Variants in TIAM1 observed in about 807,000 individuals in gnomAD.
TIAM1 encodes the protein rho guanine nucleotide exchange factor TIAM1.
A neutral mutation model predicts 163.5 loss-of-function variants in TIAM1; 65 were observed. The observed-to-expected ratio is 0.40, with a 90% confidence interval of 0.33 to 0.49. The LOEUF (loss-of-function observed/expected upper bound fraction) is 0.49, where lower values mean the gene tolerates loss of function less well. Among genes scored for constraint, TIAM1 ranks in the 20% least tolerant of loss-of-function variants. TIAM1 has a pLI of 0.77. For synonymous variants in TIAM1, 833 were observed against 810.1 expected (o/e 1.03, Z -0.48); for missense variants, 1,789 against 2,044.7 (o/e 0.87, Z 2.41).
chr21:31,167,056 T>C (rs2084259055), intron 15 of TIAM1, among the ~76,000 whole-genome samples: 1 of 150,284 alleles, frequency 6.7e-6, no homozygotes, highest in Non-Finnish European at 1.5e-5. Context: ...CTGATGCTCA[T>C]AAAATAGTGG....
At chr21:31,526,200 A>T (rs2047779404) in intron 1 of TIAM1, among the ~76,000 whole-genome samples, 1 of 152,144 alleles carries the variant, frequency 6.6e-6, no homozygotes, top group Admixed American at 6.5e-5. Flanking sequence ...CAGATGAGTA[A>T]GCAAACAGGA....
At chr21:31,263,103 T>G (rs754578847) in intron 4 of TIAM1, among the ~76,000 whole-genome samples, 1 of 152,220 alleles carries the variant, frequency 6.6e-6, no homozygotes, top group Non-Finnish European at 1.5e-5. Context: ...GATAGTGTTG[T>G]GCATAATTCC....
chr21:31,488,367 G>A (rs1389318008), intron 1 of TIAM1, among the ~76,000 whole-genome samples: 1 of 152,192 alleles, frequency 6.6e-6, no homozygotes, highest in Non-Finnish European at 1.5e-5. Flanking sequence ...AGTGTATTCA[G>A]GGGGATGGGG....
chr21:31,436,952 C>T (rs2044230515), intron 2 of TIAM1, among the ~76,000 whole-genome samples: 2 of 151,950 alleles, frequency 1.3e-5, no homozygotes, highest in South Asian at 4.2e-4. Flanking sequence ...AGTGAGATTC[C>T]ATCTCAACAA....
At chr21:31,413,460 C>T (rs973914914) in intron 2 of TIAM1, among the ~76,000 whole-genome samples, 62 of 151,814 alleles carry the variant, frequency 4.1e-4, no homozygotes, top group African/African-American at 1.4e-3. Context: ...GCAGTAGAGA[C>T]GGGGTTTCAC....
intron 2 of TIAM1, among the ~76,000 whole-genome samples, chr21:31,316,555 A>G (rs953323505): frequency 6.6e-6 from 1 of 152,212 alleles, no homozygotes; most frequent in Non-Finnish European, 1.5e-5. Flanking sequence ...GTCGCTAAGA[A>G]GTAATCAGGA....
At chr21:31,365,733 G>A (rs1160861766) in intron 2 of TIAM1, among the ~76,000 whole-genome samples, 1 of 151,970 alleles carries the variant, frequency 6.6e-6, no homozygotes. Flanking sequence ...CATAGTACCT[G>A]GAACATAACA....
At chr21:31,488,396 A>G (rs2046347203) in intron 1 of TIAM1, among the ~76,000 whole-genome samples, 1 of 152,194 alleles carries the variant, frequency 6.6e-6, no homozygotes, top group African/African-American at 2.4e-5. Flanking sequence ...ACAAAATTAT[A>G]TCTGTATTCT....
intron 2 of TIAM1, among the ~76,000 whole-genome samples, chr21:31,428,407 C>CCAGGA (rs142235496): frequency 0.039 from 5,952 of 152,150 alleles, 375 homozygotes; most frequent in African/African-American, 0.13. Context: ...TAGTAAGTCC[C>CCAGGA]CAGGACAGGA....
At chr21:31,145,506 C>A (rs1170150303) in intron 20 of TIAM1, among the ~76,000 whole-genome samples, 2 of 152,126 alleles carry the variant, frequency 1.3e-5, no homozygotes, top group African/African-American at 4.8e-5. Context: ...GAAAATGTTT[C>A]CTTAATCCTT....
At chr21:31,327,643 C>CA (rs373702154) in intron 2 of TIAM1, among the ~76,000 whole-genome samples, 33,626 of 69,220 alleles carry the variant, frequency 0.49, 8,108 homozygotes, top group East Asian at 0.67. Flanking sequence ...GCCGCCATCT[C>CA]AAAAAAAAAA....
At chr21:31,291,719 C>T (rs535140730) in intron 2 of TIAM1, among the ~76,000 whole-genome samples, 9 of 152,302 alleles carry the variant, frequency 5.9e-5, no homozygotes, top group Non-Finnish European at 1.0e-4. Context: ...GAAAGAGTTT[C>T]GCCATGTTGG....
chr21:31,430,328 C>T (rs538418123), intron 2 of TIAM1, among the ~76,000 whole-genome samples: 8 of 150,470 alleles, frequency 5.3e-5, no homozygotes, highest in East Asian at 2.0e-4. Flanking sequence ...CTCTGCCATG[C>T]GCCTCACCGA....
intron 6 of TIAM1, among the ~76,000 whole-genome samples, chr21:31,241,549 A>G (rs2071175670): frequency 6.6e-6 from 1 of 152,270 alleles, no homozygotes; most frequent in African/African-American, 2.4e-5. Flanking sequence ...AGATTTTAAG[A>G]AAGTCACTAA....
At chr21:31,246,259 T>C (rs1472039025) in intron 5 of TIAM1, among the ~76,000 whole-genome samples, 1 of 152,094 alleles carries the variant, frequency 6.6e-6, no homozygotes, top group African/African-American at 2.4e-5. Context: ...CCCTTGTTCC[T>C]ACTGAAAGAG....
intron 22 of TIAM1, among the ~76,000 whole-genome samples, chr21:31,136,999 C>T (rs943114354): frequency 1.3e-5 from 2 of 152,236 alleles, no homozygotes. Flanking sequence ...TCACCCCCAG[C>T]GGTCACACGC....
intron 2 of TIAM1, among the ~76,000 whole-genome samples, chr21:31,332,955 C>G (rs2075725013): frequency 6.6e-6 from 1 of 152,008 alleles, no homozygotes; most frequent in Non-Finnish European, 1.5e-5. Context: ...CTAAATAAAC[C>G]AGGCATGGTG....
rs916932327 is a variant in TIAM1, at chr21:31,226,963, T to G, written c.1585-1013A>C. 3.3e-4 allele frequency among the ~76,000 whole-genome samples: 49 copies of G among 148,730 alleles called. No homozygotes were observed. The East Asian group carries it at 5.7e-3, about 17-fold the overall frequency. On this transcript the variant is annotated intron_variant, in intron 6 of 27. Transcript: ENST00000541036. ...ATACAAAATTCTGTGTTTTTTTTTT[T>G]TTTTTTTTTTTGAGACAGGGTCGTG...
At chr21:31,279,290 G>A (rs988350221) in intron 2 of TIAM1, among the ~76,000 whole-genome samples, 2 of 152,162 alleles carry the variant, frequency 1.3e-5, no homozygotes, top group African/African-American at 4.8e-5. Flanking sequence ...CCATGACATG[G>A]ACTAATGAAG....
Sources: gnomAD v4.1 joint callset for allele counts (sites outside exome capture counted in the v4.1 genomes callset) on GRCh38, gnomAD v4.1.1 for gene constraint, MANE v1.5 for transcripts, NCBI Gene and HGNC (gene_info 2026-07-23, HGNC 2026-07-21) for gene names.